Variants in XRCC4 observed in about 807,000 individuals in gnomAD.
XRCC4 encodes the protein DNA repair protein XRCC4.
XRCC4 carries 28 observed loss-of-function variants against 39.1 expected under a neutral mutation model. The observed-to-expected ratio is 0.72, with a 90% CI of 0.53 to 0.98. The LOEUF (loss-of-function observed/expected upper bound fraction) is 0.98. Ranked by LOEUF, XRCC4 falls within the 50% of genes least tolerant of loss-of-function variation. The pLI, the probability that XRCC4 is intolerant of heterozygous loss-of-function variation, is 0.00. For missense variants in XRCC4, 350 were observed against 376.4 expected (o/e 0.93, Z 0.58); for synonymous variants, 123 against 126.4 (o/e 0.97, Z 0.18).
At chr5:83,129,608 G>A (rs1192632579) in intron 3 of XRCC4, among the ~76,000 whole-genome samples, 1 of 152,004 alleles carries the variant, frequency 6.6e-6, no homozygotes, top group East Asian at 1.9e-4. Context: ...CTATCCATGA[G>A]CATGGAATGT....
At chr5:83,127,210 A>G (rs1037203707) in intron 3 of XRCC4, among the ~76,000 whole-genome samples, 4 of 152,092 alleles carry the variant, frequency 2.6e-5, no homozygotes, top group Non-Finnish European at 5.9e-5. Context: ...GTGGAATACT[A>G]TGGTCTGAAT....
At chr5:83,126,364 C>T (rs957860197) in intron 3 of XRCC4, among the ~76,000 whole-genome samples, 1 of 151,602 alleles carries the variant, frequency 6.6e-6, no homozygotes, top group Non-Finnish European at 1.5e-5. Flanking sequence ...TTGTGTTAAC[C>T]GTATATTCTC....
intron 1 of XRCC4, among the ~76,000 whole-genome samples, 189 bp from the exon 2 acceptor site, chr5:83,104,719 CTG>C (rs752379443): frequency 1.1e-4 from 16 of 152,242 alleles, no homozygotes; most frequent in Non-Finnish European, 1.8e-4. Flanking sequence ...TTGAAGAAAA[CTG>C]TGAATTTACT....
chr5:83,308,750 A>T (rs971851147), intron 7 of XRCC4, among the ~76,000 whole-genome samples: 4 of 152,192 alleles, frequency 2.6e-5, no homozygotes, highest in African/African-American at 7.2e-5. Flanking sequence ...TTTCAAACTA[A>T]CATTTACTCT....
intron 3 of XRCC4, among the ~76,000 whole-genome samples, chr5:83,173,451 G>C (rs1196679557): frequency 2.0e-5 from 3 of 152,082 alleles, no homozygotes; most frequent in Non-Finnish European, 2.9e-5. Context: ...ACTACACAGG[G>C]GAAAGGGTGT....
downstream of XRCC4, among the ~76,000 whole-genome samples, chr5:83,354,270 A>G (rs78934828): frequency 3.3e-5 from 5 of 152,350 alleles, no homozygotes; most frequent in African/African-American, 1.2e-4. Flanking sequence ...CTAATTGTTT[A>G]GACCTTTTGG....
intron 3 of XRCC4, among the ~76,000 whole-genome samples, chr5:83,135,585 TC>T (rs1229808028): frequency 6.6e-6 from 1 of 152,072 alleles, no homozygotes; most frequent in Non-Finnish European, 1.5e-5. Flanking sequence ...CTGAAATTTA[TC>T]ACACAGCCCA....
chr5:83,236,360 A>G (rs376555615), intron 6 of XRCC4, among the ~76,000 whole-genome samples: 1 of 152,162 alleles, frequency 6.6e-6, no homozygotes, highest in South Asian at 2.1e-4. Context: ...ACTGTCTCAT[A>G]AAAACAGACA....
intron 3 of XRCC4, among the ~76,000 whole-genome samples, chr5:83,193,405 C>T (rs1373013689): frequency 6.6e-6 from 1 of 151,784 alleles, no homozygotes; most frequent in African/African-American, 2.4e-5. Flanking sequence ...AAACTGGTGA[C>T]AATAATTAGA....
chr5:83,200,017 A>G (rs1751115522), intron 4 of XRCC4, among the ~76,000 whole-genome samples: 1 of 152,208 alleles, frequency 6.6e-6, no homozygotes, highest in African/African-American at 2.4e-5. Flanking sequence ...TTAGCAGTGA[A>G]TCCCATGTCT....
chr5:83,165,527 T>C (rs1440370196), intron 3 of XRCC4, among the ~76,000 whole-genome samples: 1 of 152,318 alleles, frequency 6.6e-6, no homozygotes, highest in Admixed American at 6.5e-5. Context: ...CTTTGTTACA[T>C]AGGTAAACTT....
intron 6 of XRCC4, among the ~76,000 whole-genome samples, chr5:83,216,553 G>A (rs1253314976): frequency 6.6e-6 from 1 of 152,074 alleles, no homozygotes; most frequent in Non-Finnish European, 1.5e-5. Context: ...CTCCAAACTG[G>A]AAAATTCTGA....
intron 6 of XRCC4, among the ~76,000 whole-genome samples, chr5:83,256,619 C>G (rs1250967201): frequency 2.0e-5 from 3 of 149,900 alleles, no homozygotes; most frequent in African/African-American, 7.4e-5. Flanking sequence ...ATTGGGAAAT[C>G]TTTCAGCTTG....
intron 7 of XRCC4, among the ~76,000 whole-genome samples, chr5:83,314,132 A>C (rs1004644880): frequency 6.6e-6 from 1 of 152,096 alleles, no homozygotes; most frequent in African/African-American, 2.4e-5. Context: ...AATAAATGTT[A>C]CTTCAATATA....
chr5:83,351,840 G>T (rs1757093296), intron 7 of XRCC4, among the ~76,000 whole-genome samples: 1 of 152,120 alleles, frequency 6.6e-6, no homozygotes, highest in Non-Finnish European at 1.5e-5. Flanking sequence ...AATAATCTGT[G>T]CAACTAGGTA....
rs192509248 is a variant in XRCC4, at chr5:83,217,353, C to T, written c.745+12432C>T. Among the ~76,000 whole-genome samples the T allele has an allele frequency of 2.3e-3, 210 of 90,432 alleles. 3 individuals carry two copies. Among genetic ancestry groups the T allele is most frequent in the African/African-American group, 0.012 (197 of 16,358 alleles). The allele number at this position is 90,432 out of a possible 152,430, so 59.3% of individuals were successfully genotyped here. On this transcript the variant is annotated intron_variant, in intron 6 of 7. Transcript: ENST00000396027. ...GCCGGGGCAGCGCAGAGCAAGACTC[C>T]GTCTCAAAAAAAAAAAAAAAAAAAC...
intron 7 of XRCC4, among the ~76,000 whole-genome samples, chr5:83,346,681 A>G (rs1057415135): frequency 1.3e-5 from 2 of 152,196 alleles, no homozygotes; most frequent in Non-Finnish European, 2.9e-5. Flanking sequence ...TATAATCAAC[A>G]AGTACAGTAT....
intron 7 of XRCC4, among the ~76,000 whole-genome samples, chr5:83,340,619 A>G (rs1756726730): frequency 1.5e-5 from 1 of 68,326 alleles, no homozygotes; most frequent in Non-Finnish European, 4.0e-5. Flanking sequence ...TCTACAAGCT[A>G]AAAAAAAAAA....
At chr5:83,303,955 C>T (rs1419541922) in intron 7 of XRCC4, among the ~76,000 whole-genome samples, 1 of 148,904 alleles carries the variant, frequency 6.7e-6, no homozygotes, top group Non-Finnish European at 1.5e-5. Flanking sequence ...ATTAACTGGC[C>T]TAATTAGGGT....
Sources: allele counts gnomAD v4.1 joint callset (sites outside exome capture counted in the v4.1 genomes callset), GRCh38; gene constraint gnomAD v4.1.1; transcripts MANE v1.5; gene names NCBI Gene and HGNC (gene_info 2026-07-23, HGNC 2026-07-21).